The following UGCG variants were observed in gnomAD, a reference collection of about 807,000 sequenced individuals.
UGCG encodes the protein UDP-glucose ceramide glucosyltransferase.
UGCG carries 10 observed loss-of-function variants against 49.5 expected under a neutral mutation model. That is an observed-to-expected ratio of 0.20 (90% CI 0.12 to 0.34). The LOEUF (loss-of-function observed/expected upper bound fraction) is 0.34, where lower values mean the gene tolerates loss of function less well. Among genes scored for constraint, UGCG ranks in the 10% least tolerant of loss-of-function variants. The pLI is 1.00. For synonymous variants in UGCG, 182 were observed against 158.2 expected, an observed-to-expected ratio of 1.15 and a Z score of -1.13; for missense variants, 312 against 483.7, an observed-to-expected ratio of 0.65 and a Z score of 3.33.
At chr9:111,915,653 CTTAA>C (rs1037800826) in intron 2 of UGCG, 20 of 406,298 alleles carry the variant, frequency 4.9e-5, no homozygotes, top group African/African-American at 4.3e-4. Context: ...AGTCGTCCCT[CTTAA>C]TTTTTTTGGA....
intron 7 of UGCG, 48 bp downstream of exon 7, chr9:111,931,405 A>AG (rs1296028743): frequency 1.9e-6 from 3 of 1,569,208 alleles, no homozygotes; most frequent in Non-Finnish European, 8.7e-7. Flanking sequence ...GAAAGTGGGG[A>AG]GGGGGGTGGT....
intron 1 of UGCG, among the ~76,000 whole-genome samples, chr9:111,900,206 ATGGTAG>A (rs966331516): frequency 2.7e-5 from 4 of 150,826 alleles, no homozygotes; most frequent in Non-Finnish European, 5.9e-5. Flanking sequence ...CCTAGACCTG[ATGGTAG>A]TGTTTCTCTT....
chr9:111,907,532 T>C (rs1355547040), intron 1 of UGCG, among the ~76,000 whole-genome samples: 1 of 152,236 alleles, frequency 6.6e-6, no homozygotes, highest in Non-Finnish European at 1.5e-5. Flanking sequence ...GGAAATTTTT[T>C]AATAGATACC....
At chr9:111,924,934 A>T (rs1838291297) in intron 4 of UGCG, 56 bp downstream of exon 4, 4 of 1,083,090 alleles carry the variant, frequency 3.7e-6, no homozygotes, top group Middle Eastern at 3.2e-4. Flanking sequence ...ATAAAATGCT[A>T]AAAGCAATCT....
intron 5 of UGCG, 118 bp from the exon 6 acceptor site, chr9:111,929,382 G>T: frequency 9.4e-7 from 1 of 1,068,570 alleles, no homozygotes. Context: ...GTCTACGTAA[G>T]AATAATAAGA....
At chr9:111,901,960 A>T (rs1377333047) in intron 1 of UGCG, among the ~76,000 whole-genome samples, 1 of 152,174 alleles carries the variant, frequency 6.6e-6, no homozygotes, top group African/African-American at 2.4e-5. Context: ...ATGAATCCTC[A>T]TTGCCTCCGG....
In UGCG at chr9:111,931,280, G is replaced by A; in HGVS notation, c.747G>A (p.Arg249=). 1 of 1,613,564 alleles carries A rather than the reference G, an allele frequency of 6.2e-7. No individual in the cohort carries two copies. Among genetic ancestry groups the A allele is most frequent in the Non-Finnish European group, 8.5e-7 (1 of 1,179,822 alleles). Residue 249 remains arginine (R), a synonymous_variant, in exon 7 of 9, where the codon AGG becomes AGA. Transcript: ENST00000374279. ...TTATCTTAATTTTCAGAGGTTGGAG[G>A]TTTGCAATGTCCACTCAAGTTGCAA... ...MAKAIADRGW[R]FAMSTQVAMQ...
chr9:111,929,479 C>T lies in UGCG; in HGVS notation c.559-21C>T, dbSNP rs150835220. The T allele has an allele frequency of 8.8e-6, 14 of 1,599,618 alleles. No homozygotes were observed. The African/African-American group carries it at 1.1e-4, about 12-fold the overall frequency. The stretch of plus-strand genomic sequence containing the variant: ...TTTAACATGAAATTCTAATCATACA[C>T]GTTTGTGGTTTTTTGGGCAGGTATA... On this transcript the variant is annotated intron_variant, in intron 5 of 8. Coordinates refer to ENST00000374279, the MANE Select transcript of UGCG (RefSeq NM_003358.3).
chr9:111,912,411 C>G (rs563421004), intron 1 of UGCG, among the ~76,000 whole-genome samples: 1 of 151,970 alleles, frequency 6.6e-6, no homozygotes, highest in South Asian at 2.1e-4. Flanking sequence ...AACCCTGTGT[C>G]TACTAAAAAT....
chr9:111,926,288 TA>T, intron 4 of UGCG, 95 bp from the exon 5 acceptor site: 2 of 682,234 alleles, frequency 2.9e-6, no homozygotes, highest in Non-Finnish European at 2.4e-6. Flanking sequence ...ATTAAGAATG[TA>T]ATAACAATTC....
At position 111,919,804 on chromosome 9, in the gene UGCG, A is replaced by G. The variant is rs545002898; in HGVS notation, c.241-3045A>G. On this transcript the variant is annotated intron_variant, in intron 2 of 8. Coordinates refer to ENST00000374279, the MANE Select transcript of UGCG (RefSeq NM_003358.3). ...AGCGAGACTCCATCTCAAAAAAAAA[A>G]AAAAAAAAGAAACTATGCTATGTTT... Among the ~76,000 whole-genome samples the G allele has an allele frequency of 2.6e-5, 4 of 152,006 alleles. No homozygotes were observed. In the South Asian group the frequency reaches 8.3e-4, roughly 32 times the overall value.
At chr9:111,914,815 G>C in intron 2 of UGCG, 69 bp downstream of exon 2, 1 of 1,588,310 alleles carries the variant, frequency 6.3e-7, no homozygotes, top group Non-Finnish European at 8.6e-7. Flanking sequence ...AAACATTTAG[G>C]GATTTTAACA....
At chr9:111,927,746 C>G (rs180955952) in intron 5 of UGCG, among the ~76,000 whole-genome samples, 1 of 152,162 alleles carries the variant, frequency 6.6e-6, no homozygotes, top group African/African-American at 2.4e-5. Context: ...CCACCACGCC[C>G]GGCAGGAAGT....
intron 7 of UGCG, 41 bp from the exon 8 acceptor site, chr9:111,932,129 C>T (rs901580967): frequency 1.3e-6 from 2 of 1,582,036 alleles, no homozygotes; most frequent in African/African-American, 1.4e-5. Flanking sequence ...TGTCTTGTAG[C>T]CAGGATATTG....
intron 2 of UGCG, among the ~76,000 whole-genome samples, chr9:111,916,846 T>C (rs1838121124): frequency 6.6e-6 from 1 of 151,988 alleles, no homozygotes; most frequent in African/African-American, 2.4e-5. Flanking sequence ...AACTGATTTC[T>C]TGTGAATGAA....
chr9:111,929,817 T>A (rs1838388733), intron 6 of UGCG, 139 bp downstream of exon 6: 4 of 1,010,668 alleles, frequency 4.0e-6, no homozygotes, highest in Non-Finnish European at 5.5e-6. Flanking sequence ...GTCAATAATT[T>A]TATTATTTTG....
At chr9:111,911,937 T>TCAACAGG (rs1482222881) in intron 1 of UGCG, among the ~76,000 whole-genome samples, 680 of 34,308 alleles carry the variant, frequency 0.02, 24 homozygotes, top group Admixed American at 0.039. Flanking sequence ...TATATATATA[T>TCAACAGG]ATATATATAT....
intron 2 of UGCG, among the ~76,000 whole-genome samples, chr9:111,920,124 A>G (rs1443840901): frequency 6.6e-6 from 1 of 152,042 alleles, no homozygotes; most frequent in Non-Finnish European, 1.5e-5. Flanking sequence ...GTAACTGTCA[A>G]GTTGGTTTCA....
At chr9:111,925,681 G>T (rs1490411186) in intron 4 of UGCG, among the ~76,000 whole-genome samples, 1 of 152,212 alleles carries the variant, frequency 6.6e-6, no homozygotes, top group Non-Finnish European at 1.5e-5. Context: ...AGTTCTTAAA[G>T]ACTTGGAGGA....
Sources: gnomAD v4.1 joint callset for allele counts (sites outside exome capture counted in the v4.1 genomes callset) on GRCh38, gnomAD v4.1.1 for gene constraint, MANE v1.5 for transcripts, NCBI Gene and HGNC (gene_info 2026-07-23, HGNC 2026-07-21) for gene names.